LY75: variants seen among roughly 807,000 people sequenced by gnomAD.
The protein encoded by LY75 is C-type lectin domain family 13 member B.
LY75 carries 185 observed loss-of-function variants against 231.7 expected under a neutral mutation model. That is an observed-to-expected ratio of 0.80 (90% CI 0.71 to 0.90). The LOEUF is 0.90. LY75 is among the 40% of genes least tolerant of loss of function. The pLI is 0.00. For synonymous variants in LY75, 668 were observed against 689.0 expected (o/e 0.97, Z 0.48); for missense variants, 1,947 against 2,050.2 (o/e 0.95, Z 0.97).
chr2:159,803,897 TTC>T lies in LY75; in HGVS notation c.*1145_*1146del, dbSNP rs1210616165. The T allele has an allele frequency of 6.6e-6, 1 of 152,234 alleles. No homozygotes were observed. The highest frequency in any genetic ancestry group is 1.5e-5 in the Non-Finnish European group (1 of 68,038). 9.4% of individuals were successfully genotyped at this position (152,234 alleles called of 1,614,324 possible). A position where few individuals can be genotyped will look rare whatever the true frequency, so the allele number is the denominator to read the frequency against. On this transcript the variant is annotated 3_prime_UTR_variant, in exon 35 of 35. Transcript: ENST00000263636. ...CACATGTTAAAAAAGTAAAACAAAATTCTTAGTCAAAAGTTGACATGCTATGT... is the reference window on the plus strand; with the variant it reads ...CACATGTTAAAAAAGTAAAACAAAATTTAGTCAAAAGTTGACATGCTATGT...
At chr2:159,850,336 A>G (rs757169046) in intron 22 of LY75, 26 bp downstream of exon 22, 2 of 1,612,730 alleles carry the variant, frequency 1.2e-6, no homozygotes, top group South Asian at 2.2e-5. Flanking sequence ...TCAGAATAAA[A>G]CATGTTTCCC....
chr2:159,878,613 A>T lies in LY75; in HGVS notation c.1604+20T>A. 1 of 1,613,926 alleles carries T rather than the reference A, an allele frequency of 6.2e-7. No individual in the cohort carries two copies. Among genetic ancestry groups the T allele is most frequent in the Non-Finnish European group, 8.5e-7 (1 of 1,179,920 alleles). ...TTCAGAGTTGAAAGTTTATGAGTAC[A>T]AGTTTACTGATGGTCACACCTGCTA... On this transcript the variant is annotated intron_variant, in intron 10 of 34. Coordinates refer to ENST00000263636, the MANE Select transcript of LY75 (RefSeq NM_002349.4).
Position 159,853,330 on chromosome 2 carries a change from A to G in LY75, c.2686T>C (p.Phe896Leu). ...CATTCCTCTCCAAATGTCACAGGAA[A>G]GCGGTGCCATGGATATCGTGAGCTA... Reference protein sequence around the residue: ...FTYSRYPWHRFPVTFGEECLY... With the variant: ...FTYSRYPWHRLPVTFGEECLY... Residue 896 changes from phenylalanine (F) to leucine (L), a missense_variant, in exon 20 of 35, where the codon TTT becomes CTT. Transcript: ENST00000263636. 1.9e-6 allele frequency: 3 copies of G among 1,613,672 alleles called. No homozygotes were observed. Among genetic ancestry groups the G allele is most frequent in the Non-Finnish European group, 2.5e-6 (3 of 1,179,676 alleles).
intron 31 of LY75, among the ~76,000 whole-genome samples, chr2:159,814,661 AAAAAAG>A (rs1449487107): frequency 9.4e-4 from 142 of 151,268 alleles, no homozygotes; most frequent in African/African-American, 3.2e-3. Flanking sequence ...GTCAAAAAAA[AAAAAAG>A]AAAAAGAAAA....
At chr2:159,899,424 T>C (rs1346923839) in intron 1 of LY75, among the ~76,000 whole-genome samples, 3 of 152,180 alleles carry the variant, frequency 2.0e-5, no homozygotes, top group Non-Finnish European at 4.4e-5. Context: ...TTGTTGTTGC[T>C]ATTTCATGAA....
chr2:159,836,820 T>C (rs1683846211), intron 25 of LY75, among the ~76,000 whole-genome samples: 1 of 152,194 alleles, frequency 6.6e-6, no homozygotes. Flanking sequence ...CCTGCACTCA[T>C]TCAGACTGCC....
Position 159,841,018 on chromosome 2 carries a change from C to T in LY75, c.3281-63G>A, listed in dbSNP as rs1382206564. 2.5e-6 allele frequency: 4 copies of T among 1,579,474 alleles called. No homozygotes were observed. In the South Asian group the frequency reaches 3.5e-5, roughly 14 times the overall value. ...TCCCCACACTCTGCAAGTTATGGGA[C>T]ATTTTTTTCACATTTCTCCCCATAC... On this transcript the variant is annotated intron_variant, in intron 24 of 34. Transcript: ENST00000263636.
intron 17 of LY75, 150 bp from the exon 18 acceptor site, chr2:159,854,685 T>C: frequency 8.6e-7 from 1 of 1,163,472 alleles, no homozygotes; most frequent in Non-Finnish European, 1.2e-6. Context: ...GAACAAGAGA[T>C]TCCTGAGCCA....
At chr2:159,865,851 A>G (rs558113071) in intron 13 of LY75, among the ~76,000 whole-genome samples, 1 of 152,286 alleles carries the variant, frequency 6.6e-6, no homozygotes, top group South Asian at 2.1e-4. Flanking sequence ...GGAGGCAGGA[A>G]CATATGTCTA....
intron 4 of LY75, among the ~76,000 whole-genome samples, chr2:159,887,579 A>G (rs986527733): frequency 3.3e-5 from 5 of 150,332 alleles, no homozygotes; most frequent in African/African-American, 1.2e-4. Flanking sequence ...AAAAAAAAAA[A>G]AAAAAGAAAA....
chr2:159,874,867 AAT>A lies in LY75; in HGVS notation c.1974+575_1974+576del, dbSNP rs1166006502. ...TATGTAAATATATATATATTTTGTA[AAT>A]ATATATACATATATATTTTGTAAAT... On this transcript the variant is annotated intron_variant, in intron 12 of 34. Transcript: ENST00000263636. Among the ~76,000 whole-genome samples, 8 of 129,614 alleles carry A rather than the reference AAT, an allele frequency of 6.2e-5. 1 individual carries two copies. Among genetic ancestry groups the A allele is most frequent in the African/African-American group, 2.3e-4 (8 of 34,134 alleles). 85.0% of individuals were successfully genotyped at this position (129,614 alleles called of 152,430 possible).
chr2:159,808,805 T>C (rs1194739417), intron 32 of LY75, among the ~76,000 whole-genome samples: 1 of 152,232 alleles, frequency 6.6e-6, no homozygotes, highest in African/African-American at 2.4e-5. Flanking sequence ...AATATTTATC[T>C]GGCAATATTT....
At chr2:159,824,381 A>G (rs1220281214) in intron 28 of LY75, among the ~76,000 whole-genome samples, 1 of 152,260 alleles carries the variant, frequency 6.6e-6, no homozygotes, top group Non-Finnish European at 1.5e-5. Context: ...AGGCCATTAC[A>G]TAATGGTAGA....
chr2:159,815,598 C>T (rs753324867), intron 30 of LY75, 25 bp from the exon 31 acceptor site: 2 of 1,594,994 alleles, frequency 1.3e-6, no homozygotes, highest in African/African-American at 1.4e-5. Flanking sequence ...ATAGAGATAA[C>T]CTGAATCCAG....
Position 159,872,703 on chromosome 2 carries a change from G to A in LY75, c.1975-110C>T, listed in dbSNP as rs1422499579. The A allele has an allele frequency of 3.2e-6, 4 of 1,233,964 alleles. No homozygotes were observed. The East Asian group carries it at 9.7e-5, about 30-fold the overall frequency. 76.4% of individuals were successfully genotyped at this position (1,233,964 alleles called of 1,614,324 possible). A position where few individuals can be genotyped will look rare whatever the true frequency, so the allele number is the denominator to read the frequency against. On this transcript the variant is annotated intron_variant, in intron 12 of 34. Transcript: ENST00000263636. ...GGGCCCCTGAAATGAATTCTTAAAG[G>A]TGTAGTGAAGGCATAGGTAAATGCA... is the stretch of plus-strand genomic sequence containing the variant.
intron 9 of LY75, 49 bp downstream of exon 9, chr2:159,879,210 A>G: frequency 6.3e-7 from 1 of 1,581,624 alleles, no homozygotes; most frequent in Non-Finnish European, 8.6e-7. Context: ...ATTTCTAACC[A>G]AGAAGTTGTA....
Position 159,898,893 on chromosome 2 carries a change from A to T in LY75, c.261T>A (p.Asp87Glu). Residue 87 changes from aspartate (D) to glutamate (E), a missense_variant, in exon 2 of 35, where the codon GAT (aspartate) becomes GAA (glutamate). Transcript: ENST00000263636. Reference protein sequence around the residue: ...HLHSQKCLGLDITKSVNELRM... With the variant: ...HLHSQKCLGLEITKSVNELRM... ...TCAGCTCATTTACCGATTTGGTAAT[A>T]TCGAGGCCAAGGCACTTTTGGGAGT... is the stretch of plus-strand genomic sequence containing the variant. The T allele has an allele frequency of 6.2e-7, 1 of 1,614,216 alleles. No individual in the cohort carries two copies. The highest frequency in any genetic ancestry group is 8.5e-7 in the Non-Finnish European group (1 of 1,180,040).
At chr2:159,891,058 G>C (rs1685740354) in intron 3 of LY75, among the ~76,000 whole-genome samples, 1 of 152,100 alleles carries the variant, frequency 6.6e-6, no homozygotes, top group East Asian at 1.9e-4. Flanking sequence ...CAAAACAACT[G>C]GTTCAAAATA....
At chr2:159,851,824 A>T (rs1684410259) in intron 21 of LY75, among the ~76,000 whole-genome samples, 1 of 152,244 alleles carries the variant, frequency 6.6e-6, no homozygotes, top group Admixed American at 6.5e-5. Context: ...TGATTGGCAG[A>T]TGCTGCTTGG....
Sources: gnomAD v4.1 joint callset for allele counts (sites outside exome capture counted in the v4.1 genomes callset) on GRCh38, gnomAD v4.1.1 for gene constraint, MANE v1.5 for transcripts, NCBI Gene and HGNC (gene_info 2026-07-23, HGNC 2026-07-21) for gene names.